Variants in PPP2R2C observed in about 807,000 individuals in gnomAD.
PPP2R2C encodes protein phosphatase 2, regulatory subunit B, gamma.
A neutral mutation model predicts 45.3 loss-of-function variants in PPP2R2C; 10 were observed. The observed-to-expected ratio is 0.22, with a 90% CI of 0.14 to 0.37. The LOEUF is 0.37. Ranked by LOEUF, PPP2R2C falls within the 10% of genes least tolerant of loss-of-function variation. The pLI, the probability that PPP2R2C is intolerant of heterozygous loss-of-function variation, is 1.00. For synonymous variants in PPP2R2C, 257 were observed against 245.4 expected (o/e 1.05, Z -0.44); for missense variants, 308 against 619.7 (o/e 0.50, Z 5.34).
At chr4:6,360,120 T>A (rs1458263114) in intron 5 of PPP2R2C, among the ~76,000 whole-genome samples, 1 of 152,206 alleles carries the variant, frequency 6.6e-6, no homozygotes, top group Non-Finnish European at 1.5e-5. Flanking sequence ...AGTCCACCCC[T>A]GCAGGCAGGA....
chr4:6,463,597 C>G (rs1277758887), intron 1 of PPP2R2C, among the ~76,000 whole-genome samples: 1 of 152,228 alleles, frequency 6.6e-6, no homozygotes, highest in Admixed American at 6.5e-5. Context: ...GTCCTGCTCC[C>G]GGGCCGGCTG....
intron 1 of PPP2R2C, among the ~76,000 whole-genome samples, chr4:6,546,326 C>T (rs112886358): frequency 2.0e-5 from 3 of 152,196 alleles, no homozygotes; most frequent in African/African-American, 2.4e-5. Context: ...CTGGAGGGGC[C>T]GTTGACACAC....
At chr4:6,337,758 C>T (rs1374685003) in intron 6 of PPP2R2C, among the ~76,000 whole-genome samples, 4 of 152,304 alleles carry the variant, frequency 2.6e-5, no homozygotes, top group Non-Finnish European at 4.4e-5. Flanking sequence ...ACAATTGAAT[C>T]GATAGTGGAA....
At chr4:6,514,431 A>ACCAATCACC (rs1723769686) in intron 2 of PPP2R2C, among the ~76,000 whole-genome samples, 1 of 152,180 alleles carries the variant, frequency 6.6e-6, no homozygotes, top group African/African-American at 2.4e-5. Flanking sequence ...GTGATTGGTG[A>ACCAATCACC]TCAAAGATGT....
At chr4:6,384,652 T>G in intron 1 of PPP2R2C, 1 of 985,490 alleles carries the variant, frequency 1.0e-6, no homozygotes, top group South Asian at 4.7e-5. Flanking sequence ...CTATCCCAAG[T>G]AAATGCAGTC....
Position 6,362,002 on chromosome 4 carries a change from A to C in PPP2R2C, c.625+10521T>G, listed in dbSNP as rs934486541. ...GAGTAGGAATTATCCCGGCAGAGCT[A>C]GTGGGTGGGAAAATGTTTGGGGTGT... On this transcript the variant is annotated intron_variant, in intron 5 of 8. Coordinates refer to ENST00000382599, the MANE Select transcript of PPP2R2C (RefSeq NM_020416.4). Among the ~76,000 whole-genome samples the C allele has an allele frequency of 2.0e-5, 3 of 150,956 alleles. No homozygotes were observed. The East Asian group carries it at 5.9e-4, about 30-fold the overall frequency.
At chr4:6,361,816 G>A (rs1713764345) in intron 5 of PPP2R2C, among the ~76,000 whole-genome samples, 1 of 152,234 alleles carries the variant, frequency 6.6e-6, no homozygotes. Context: ...GAGCAGACCA[G>A]ACCCCGCCCT....
chr4:6,538,732 T>C (rs1046791025), intron 1 of PPP2R2C, among the ~76,000 whole-genome samples: 1 of 152,326 alleles, frequency 6.6e-6, no homozygotes, highest in East Asian at 1.9e-4. Flanking sequence ...CGGCCGCCAA[T>C]GCAGTCTGTC....
At chr4:6,509,031 G>A (rs1723337474) in intron 2 of PPP2R2C, among the ~76,000 whole-genome samples, 1 of 152,228 alleles carries the variant, frequency 6.6e-6, no homozygotes, top group Non-Finnish European at 1.5e-5. Flanking sequence ...TTGCCCCTCA[G>A]ACGAATCCTT....
intron 1 of PPP2R2C, among the ~76,000 whole-genome samples, chr4:6,424,268 G>C (rs1034148189): frequency 3.3e-5 from 5 of 152,242 alleles, no homozygotes. Context: ...CTCATCAAAA[G>C]ATGAACTGGA....
Position 6,323,445 on chromosome 4 carries a change from G to A in PPP2R2C, c.1201C>T (p.Arg401Cys), listed in dbSNP as rs754837498. 8 of 1,613,356 alleles carry A rather than the reference G, an allele frequency of 5.0e-6. No homozygotes were observed. Among genetic ancestry groups the A allele is most frequent in the African/African-American group, 2.7e-5 (2 of 74,942 alleles). Reference sequence around the variant, plus strand: ...AAGCTGTCCACACTGATGTCATCACGCCGGCGCTTGCCCCCCACGCACACG... The same window carrying A: ...AAGCTGTCCACACTGATGTCATCACACCGGCGCTTGCCCCCCACGCACACG... ...RRVCVGGKRR[R>C]DDISVDSLDF... is the part of the protein sequence containing the mutation. Residue 401 changes from arginine to cysteine, a missense_variant, in exon 9 of 9, where the codon CGT (arginine) becomes TGT (cysteine). Physicochemically the swap from Arg to Cys is radical, Grantham distance 180. Coordinates refer to ENST00000382599, the MANE Select transcript of PPP2R2C (RefSeq NM_020416.4).
chr4:6,426,743 G>T (rs1280463402), intron 1 of PPP2R2C, among the ~76,000 whole-genome samples: 1 of 152,126 alleles, frequency 6.6e-6, no homozygotes, highest in Non-Finnish European at 1.5e-5. Flanking sequence ...GGGCCCTGGA[G>T]AAACCAGTTC....
intron 1 of PPP2R2C, chr4:6,384,942 T>A: frequency 1.3e-6 from 1 of 785,514 alleles, no homozygotes; most frequent in Non-Finnish European, 1.5e-6. Flanking sequence ...AGCCTTGGTT[T>A]CATTATCTGT....
chr4:6,511,546 ATGGTGGTGGTGGTGGTGG>A (rs1560593922), intron 2 of PPP2R2C, among the ~76,000 whole-genome samples: 5 of 4,372 alleles, frequency 1.1e-3, no homozygotes, highest in African/African-American at 2.2e-3. Context: ...GGTGGTGGTG[ATGGTGGTGGTGGTGGTGG>A]TGGTGGTGAT....
At chr4:6,390,539 C>T (rs1158914246) in intron 1 of PPP2R2C, among the ~76,000 whole-genome samples, 5 of 152,328 alleles carry the variant, frequency 3.3e-5, no homozygotes, top group African/African-American at 7.2e-5. Flanking sequence ...GCAGGGAGCA[C>T]GCCGGGCGGC....
rs1388004890 is a variant in PPP2R2C at position 6,320,920 on chromosome 4, C to A, written c.*2382G>T. The A allele has an allele frequency of 6.6e-6, 1 of 152,230 alleles. No homozygotes were observed. Among genetic ancestry groups the A allele is most frequent in the Non-Finnish European group, 1.5e-5 (1 of 68,048 alleles). 9.4% of individuals were successfully genotyped at this position (152,230 alleles called of 1,614,324 possible). On this transcript the variant is annotated 3_prime_UTR_variant, in exon 9 of 9. Coordinates refer to ENST00000382599, the MANE Select transcript of PPP2R2C (RefSeq NM_020416.4). ...CCAGGATGCAAGTCTGTGACTATTACACTGGTCCTTCCACCGTTTCTGGTT... is the reference window on the plus strand; with the variant it reads ...CCAGGATGCAAGTCTGTGACTATTAAACTGGTCCTTCCACCGTTTCTGGTT...
chr4:6,505,184 C>T (rs1410351825), intron 2 of PPP2R2C, among the ~76,000 whole-genome samples: 1 of 151,922 alleles, frequency 6.6e-6, no homozygotes, highest in African/African-American at 2.4e-5. Flanking sequence ...CCTGTCAATC[C>T]AGAATATTAT....
intron 8 of PPP2R2C, among the ~76,000 whole-genome samples, chr4:6,325,484 G>A (rs1731868626): frequency 6.6e-6 from 1 of 152,190 alleles, no homozygotes; most frequent in South Asian, 2.1e-4. Context: ...GCACAGTGGG[G>A]AGGCAGCCCC....
chr4:6,380,218 CAG>C, intron 2 of PPP2R2C: 1 of 152,576 alleles, frequency 6.6e-6, no homozygotes, highest in African/African-American at 2.4e-5. Context: ...GCATCTGTCA[CAG>C]GGGTGTGGAT....
Sources: allele counts gnomAD v4.1 joint callset (sites outside exome capture counted in the v4.1 genomes callset), GRCh38; gene constraint gnomAD v4.1.1; transcripts MANE v1.5; gene names NCBI Gene and HGNC (gene_info 2026-07-23, HGNC 2026-07-21).